The following SPHKAP variants were observed in gnomAD, a reference collection of about 807,000 sequenced individuals.
SPHKAP encodes SPHK1 interactor, AKAP domain containing, also known as A-kinase anchor protein SPHKAP.
Under a neutral mutation model 137.5 loss-of-function variants are expected in SPHKAP, and 67 were observed. That is an observed-to-expected ratio of 0.49 (90% CI 0.40 to 0.60). SPHKAP has a LOEUF of 0.60. SPHKAP is among the 20% of genes least tolerant of loss of function. The probability of loss-of-function intolerance (pLI) is 0.00; values close to 1 mark genes in which losing one functional copy is unlikely to be tolerated. For missense variants in SPHKAP, 2,097 were observed against 2,069.3 expected, an observed-to-expected ratio of 1.01 and a Z score of -0.26; for synonymous variants, 813 against 785.3, an observed-to-expected ratio of 1.04 and a Z score of -0.59.
chr2:228,059,306 A>T (rs1047769071), intron 3 of SPHKAP, among the ~76,000 whole-genome samples: 2 of 152,188 alleles, frequency 1.3e-5, no homozygotes, highest in African/African-American at 4.8e-5. Context: ...TTCAACTTCT[A>T]AGAAGTTACC....
intron 7 of SPHKAP, among the ~76,000 whole-genome samples, chr2:228,001,484 T>C (rs555257590): frequency 7.0e-6 from 1 of 143,668 alleles, no homozygotes; most frequent in African/African-American, 2.5e-5. Context: ...AAAATATATA[T>C]ACGTATATAT....
chr2:228,107,975 T>C (rs1698396276), intron 3 of SPHKAP, among the ~76,000 whole-genome samples: 1 of 152,170 alleles, frequency 6.6e-6, no homozygotes, highest in Non-Finnish European at 1.5e-5. Context: ...CCAGTTCTGG[T>C]TCTTTAGTTC....
intron 3 of SPHKAP, among the ~76,000 whole-genome samples, chr2:228,037,036 TAAATA>T: frequency 6.7e-6 from 1 of 149,442 alleles, no homozygotes; most frequent in East Asian, 2.1e-4. Flanking sequence ...AGTATAATAA[TAAATA>T]AATAAATAGA....
chr2:228,100,822 G>A (rs1403263751), intron 3 of SPHKAP, among the ~76,000 whole-genome samples: 1 of 152,040 alleles, frequency 6.6e-6, no homozygotes, highest in Non-Finnish European at 1.5e-5. Context: ...GTTGTTGTGT[G>A]TTTGCCAGAT....
intron 3 of SPHKAP, among the ~76,000 whole-genome samples, chr2:228,071,373 CG>C (rs1244247238): frequency 1.3e-5 from 2 of 152,282 alleles, no homozygotes; most frequent in East Asian, 1.9e-4. Context: ...GGGAACTTGT[CG>C]GCTGCTTCTT....
At chr2:228,075,590 T>C (rs1214319580) in intron 3 of SPHKAP, among the ~76,000 whole-genome samples, 1 of 152,026 alleles carries the variant, frequency 6.6e-6, no homozygotes. Flanking sequence ...GTAATTACAG[T>C]TTAGAGAAAA....
chr2:227,981,491 T>A lies in SPHKAP; in HGVS notation c.*226A>T. 2.6e-6 allele frequency: 1 copy of A among 386,698 alleles called. No individual in the cohort carries two copies. Among genetic ancestry groups the A allele is most frequent in the Non-Finnish European group, 4.5e-6 (1 of 222,992 alleles). 24.0% of individuals were successfully genotyped at this position (386,698 alleles called of 1,614,324 possible). The stretch of plus-strand genomic sequence containing the variant: ...TTCTCTCTTTGTCCAGCCCTTCTAA[T>A]CCAAGCTCTTTGGAACTCACCCACA... On this transcript the variant is annotated 3_prime_UTR_variant, in exon 12 of 12. Coordinates refer to ENST00000392056, the MANE Select transcript of SPHKAP (RefSeq NM_001142644.2).
At chr2:228,134,027 TAAAAG>T (rs1231501775) in intron 1 of SPHKAP, among the ~76,000 whole-genome samples, 1 of 130,780 alleles carries the variant, frequency 7.6e-6, no homozygotes, top group Non-Finnish European at 1.6e-5. Context: ...TGAGGAAAGA[TAAAAG>T]AAAGGAAGGA....
chr2:228,165,929 C>A lies in SPHKAP; in HGVS notation c.32+15638G>T, dbSNP rs144021018. On this transcript the variant is annotated intron_variant, in intron 1 of 11. Coordinates refer to ENST00000392056, the MANE Select transcript of SPHKAP (RefSeq NM_001142644.2). ...ATTTTTATTTAAGTAAAATGCTAAT[C>A]AACTGGAATGGCAAACTTTGAGGAA... is the stretch of plus-strand genomic sequence containing the variant. Among the ~76,000 whole-genome samples, 590 of 152,170 alleles carry A rather than the reference C, an allele frequency of 3.9e-3. 3 individuals are homozygous for A. The highest frequency in any genetic ancestry group is 0.013 in the African/African-American group (552 of 41,512).
intron 3 of SPHKAP, among the ~76,000 whole-genome samples, chr2:228,094,752 T>C (rs1043085854): frequency 2.6e-5 from 4 of 152,120 alleles, no homozygotes; most frequent in Non-Finnish European, 4.4e-5. Flanking sequence ...GGAGGAATTA[T>C]GTGATGCTGA....
chr2:228,056,518 C>T (rs895329137), intron 3 of SPHKAP, among the ~76,000 whole-genome samples: 1 of 150,838 alleles, frequency 6.6e-6, no homozygotes, highest in Non-Finnish European at 1.5e-5. Context: ...TTCTTTCTGA[C>T]TTGAGAGGTT....
At position 228,119,454 on chromosome 2, in the gene SPHKAP, T is replaced by TACACACACACACACACAC. The variant is rs1485094661; in HGVS notation, c.139-10516_139-10515insGTGTGTGTGTGTGTGTGT. ...ATTTTATAATAGTTTAAAAGCCTAG[T>TACACACACACACACACAC]ATACACACACACACACACTCTCTCT... is the stretch of plus-strand genomic sequence containing the variant. On this transcript the variant is annotated intron_variant, in intron 2 of 11. Transcript: ENST00000392056. Among the ~76,000 whole-genome samples, 41 of 69,740 alleles carry TACACACACACACACACAC rather than the reference T, an allele frequency of 5.9e-4. No homozygotes were observed. In the East Asian group the frequency reaches 0.024, roughly 41 times the overall value. 45.8% of individuals were successfully genotyped at this position (69,740 alleles called of 152,430 possible). A position where few individuals can be genotyped will look rare whatever the true frequency, so the allele number is the denominator to read the frequency against.
chr2:228,016,829 G>C lies in SPHKAP; in HGVS notation c.4025C>G (p.Ser1342Trp). 6.2e-7 allele frequency: 1 copy of C among 1,613,952 alleles called. No individual in the cohort carries two copies. The highest frequency in any genetic ancestry group is 8.5e-7 in the Non-Finnish European group (1 of 1,179,978). The change falls in exon 7 of 12, where the codon TCG becomes TGG. Residue 1342 changes from serine (S) to tryptophan (W), a missense_variant. Physicochemically the swap from Ser to Trp is radical, Grantham distance 177. Transcript: ENST00000392056. ...TCTATTTGCACACTTCTCTGCTTGC[G>C]AGGGAGAGCCACCAGAAACAGGCTC... ...DTEPVSGGSP[S>W]QAEKCANRLA...
At chr2:228,021,467 C>G (rs994656479) in intron 6 of SPHKAP, among the ~76,000 whole-genome samples, 3 of 152,162 alleles carry the variant, frequency 2.0e-5, no homozygotes, top group African/African-American at 7.2e-5. Flanking sequence ...ACACAAATTC[C>G]CTTCAGTATG....
chr2:227,990,392 T>A (rs1246266445), intron 11 of SPHKAP, among the ~76,000 whole-genome samples: 1 of 152,202 alleles, frequency 6.6e-6, no homozygotes, highest in Non-Finnish European at 1.5e-5. Context: ...TTGAAGACAT[T>A]GGGAGACAGA....
chr2:228,058,674 C>T (rs528132750), intron 3 of SPHKAP, among the ~76,000 whole-genome samples: 2 of 152,342 alleles, frequency 1.3e-5, no homozygotes, highest in Admixed American at 6.5e-5. Context: ...GCATTCTGTG[C>T]TTGCCTTAGC....
chr2:228,058,993 G>A (rs1696544544), intron 3 of SPHKAP, among the ~76,000 whole-genome samples: 1 of 152,132 alleles, frequency 6.6e-6, no homozygotes, highest in African/African-American at 2.4e-5. Context: ...TCTGTTCCCT[G>A]TTCCTATAGT....
intron 3 of SPHKAP, among the ~76,000 whole-genome samples, chr2:228,043,191 G>A (rs2106261275): frequency 6.6e-6 from 1 of 152,292 alleles, no homozygotes; most frequent in African/African-American, 2.4e-5. Context: ...ATCAGAATGA[G>A]CAAATGCCAG....
intron 7 of SPHKAP, among the ~76,000 whole-genome samples, chr2:228,003,050 G>T (rs1693971363): frequency 6.6e-6 from 1 of 152,190 alleles, no homozygotes; most frequent in East Asian, 1.9e-4. Flanking sequence ...TGGCAATGCG[G>T]GCTCTTTTTT....
Sources: allele counts gnomAD v4.1 joint callset (sites outside exome capture counted in the v4.1 genomes callset), GRCh38; gene constraint gnomAD v4.1.1; transcripts MANE v1.5; gene names NCBI Gene and HGNC (gene_info 2026-07-23, HGNC 2026-07-21).